The following FIG4 variants were observed in gnomAD, a reference collection of about 807,000 sequenced individuals.
The protein encoded by FIG4 is polyphosphoinositide phosphatase.
In FIG4, 112 loss-of-function variants were observed where a neutral mutation model predicts 118.6. That is an observed-to-expected ratio of 0.94 (90% CI 0.81 to 1.11). The LOEUF is 1.11. Ranked by LOEUF, FIG4 falls within the 50% of genes least tolerant of loss-of-function variation. The pLI is 0.00. For synonymous variants in FIG4, 369 were observed against 381.2 expected (o/e 0.97, Z 0.37); for missense variants, 969 against 1,111.7 (o/e 0.87, Z 1.83).
chr6:109,734,867 T>C (rs563099651), intron 5 of FIG4, among the ~76,000 whole-genome samples: 2 of 152,302 alleles, frequency 1.3e-5, no homozygotes, highest in East Asian at 3.9e-4. Flanking sequence ...GATTTCAGTA[T>C]GAAGCAAAAA....
At chr6:109,728,042 G>A (rs1775874056) in intron 4 of FIG4, among the ~76,000 whole-genome samples, 1 of 152,176 alleles carries the variant, frequency 6.6e-6, no homozygotes, top group Admixed American at 6.5e-5. Flanking sequence ...CAGTTTGTAT[G>A]TGGACTACAT....
At chr6:109,793,005 A>G (rs1778182035) in intron 21 of FIG4, among the ~76,000 whole-genome samples, 1 of 152,190 alleles carries the variant, frequency 6.6e-6, no homozygotes, top group East Asian at 1.9e-4. Flanking sequence ...ATAACTTTTA[A>G]GAAATGAAAA....
intron 19 of FIG4, among the ~76,000 whole-genome samples, chr6:109,791,020 T>A (rs930004320): frequency 6.6e-5 from 10 of 152,210 alleles, no homozygotes; most frequent in African/African-American, 2.4e-4. Flanking sequence ...TACAGCTAAT[T>A]TTAATAATAT....
chr6:109,718,027 C>T (rs1176107287), intron 3 of FIG4, among the ~76,000 whole-genome samples: 1 of 152,156 alleles, frequency 6.6e-6, no homozygotes, highest in Non-Finnish European at 1.5e-5. Context: ...GCTCATGGTT[C>T]TGCAGGCTGT....
intron 22 of FIG4, among the ~76,000 whole-genome samples, chr6:109,816,326 C>A (rs982641041): frequency 3.9e-5 from 6 of 152,176 alleles, no homozygotes; most frequent in Admixed American, 2.6e-4. Context: ...TAGGAAAACT[C>A]TGAAAAGATG....
intron 15 of FIG4, among the ~76,000 whole-genome samples, chr6:109,774,921 G>A (rs1777575736): frequency 6.6e-6 from 1 of 151,870 alleles, no homozygotes; most frequent in Admixed American, 6.6e-5. Flanking sequence ...AGAGGACACT[G>A]TATCATAAAC....
At chr6:109,789,564 A>G (rs772457381) in intron 18 of FIG4, 30 bp from the exon 19 acceptor site, 3 of 1,482,102 alleles carry the variant, frequency 2.0e-6, no homozygotes, top group South Asian at 1.1e-5. Context: ...ACAGTAATTC[A>G]TATGTAATTG....
intron 15 of FIG4, among the ~76,000 whole-genome samples, chr6:109,771,537 C>T (rs2074575201): frequency 7.2e-6 from 1 of 138,290 alleles, no homozygotes; most frequent in Non-Finnish European, 1.5e-5. Flanking sequence ...GGCACTATCT[C>T]GGCTCACTGC....
At chr6:109,808,329 T>A (rs1778625718) in intron 22 of FIG4, among the ~76,000 whole-genome samples, 1 of 137,216 alleles carries the variant, frequency 7.3e-6, no homozygotes, top group African/African-American at 2.8e-5. Flanking sequence ...CATTATTTTC[T>A]TCACTCCTAC....
At chr6:109,796,892 A>AT in intron 22 of FIG4, 41 bp downstream of exon 22, 1 of 1,132,304 alleles carries the variant, frequency 8.8e-7, no homozygotes. Flanking sequence ...CTTTGTATTC[A>AT]TGCCACTCAT....
intron 3 of FIG4, among the ~76,000 whole-genome samples, chr6:109,726,820 C>T (rs1775834226): frequency 6.6e-6 from 1 of 152,122 alleles, no homozygotes; most frequent in Non-Finnish European, 1.5e-5. Flanking sequence ...AGAGGTCTTT[C>T]ACGTGCCTTG....
intron 1 of FIG4, among the ~76,000 whole-genome samples, chr6:109,691,973 T>G (rs1357547421): frequency 6.6e-6 from 1 of 152,214 alleles, no homozygotes; most frequent in African/African-American, 2.4e-5. Flanking sequence ...TTGGTGAACT[T>G]TTTGGTTCTC....
chr6:109,710,417 T>A (rs192991569), intron 1 of FIG4, among the ~76,000 whole-genome samples: 1 of 152,214 alleles, frequency 6.6e-6, no homozygotes, highest in Non-Finnish European at 1.5e-5. Context: ...GAAGTTTTCT[T>A]TTTTTGTTGT....
chr6:109,740,111 T>C (rs552633764), intron 7 of FIG4, among the ~76,000 whole-genome samples: 1 of 152,300 alleles, frequency 6.6e-6, no homozygotes, highest in South Asian at 2.1e-4. Flanking sequence ...AAGTAAATTC[T>C]ACCTGGGAAG....
intron 16 of FIG4, among the ~76,000 whole-genome samples, chr6:109,778,642 A>AG (rs1224818111): frequency 6.6e-6 from 1 of 151,728 alleles, no homozygotes; most frequent in East Asian, 2.0e-4. Flanking sequence ...TCTGTGGCCC[A>AG]GGCTGGAGTG....
In FIG4 at chr6:109,808,024, A is replaced by G. The variant is rs192690243; in HGVS notation, c.2546+11173A>G. 3.9e-5 allele frequency among the ~76,000 whole-genome samples: 6 copies of G among 152,262 alleles called. No homozygotes were observed. In the East Asian group the frequency reaches 1.2e-3, roughly 29 times the overall value. On this transcript the variant is annotated intron_variant, in intron 22 of 22. Transcript: ENST00000230124. The stretch of plus-strand genomic sequence containing the variant: ...CTTTGGGACTCAAACAGAAAGTCCA[A>G]TAACACAATCTGCTGAGCCAGGCAC...
At chr6:109,767,883 A>T (rs998240900) in intron 15 of FIG4, among the ~76,000 whole-genome samples, 1 of 152,148 alleles carries the variant, frequency 6.6e-6, no homozygotes, top group African/African-American at 2.4e-5. Flanking sequence ...GAAAGAAAAA[A>T]AAAAGGTCCT....
intron 12 of FIG4, among the ~76,000 whole-genome samples, chr6:109,763,140 A>G (rs751315033): frequency 6.6e-6 from 1 of 152,242 alleles, no homozygotes; most frequent in Non-Finnish European, 1.5e-5. Context: ...TGCCTGACAT[A>G]TACCAAAATT....
In FIG4 at chr6:109,825,002, G is replaced by A. The variant is rs1347384666; in HGVS notation, c.2547-86G>A. On this transcript the variant is annotated intron_variant, in intron 22 of 22. Coordinates refer to ENST00000230124, the MANE Select transcript of FIG4 (RefSeq NM_014845.6). ...GTCAGCCTGCTTATTCAATGCCAGC[G>A]ACTCTCAAGTGCTTCTGAGACTGCT... 1.8e-5 allele frequency: 23 copies of A among 1,243,964 alleles called. No homozygotes were observed. In the East Asian group the frequency reaches 4.4e-4, roughly 24 times the overall value. 77.1% of individuals were successfully genotyped at this position (1,243,964 alleles called of 1,614,324 possible).
Sources: allele counts gnomAD v4.1 joint callset (sites outside exome capture counted in the v4.1 genomes callset), GRCh38; gene constraint gnomAD v4.1.1; transcripts MANE v1.5; gene names NCBI Gene and HGNC (gene_info 2026-07-23, HGNC 2026-07-21).